RAB27A: variants seen among roughly 807,000 people sequenced by gnomAD.
RAB27A encodes the protein ras-related protein Rab-27A.
Under a neutral mutation model 20.8 loss-of-function variants are expected in RAB27A, and 17 were observed. The observed-to-expected ratio is 0.82, with a 90% CI of 0.56 to 1.23. The LOEUF is 1.23. Among genes scored for constraint, RAB27A ranks in the 50% most tolerant of loss-of-function variants. The pLI is 0.00. For synonymous variants in RAB27A, 85 were observed against 92.8 expected (o/e 0.92, Z 0.48); for missense variants, 277 against 266.7 (o/e 1.04, Z -0.27).
At chr15:55,279,944 C>T (rs1270340739) in intron 1 of RAB27A, among the ~76,000 whole-genome samples, 1 of 152,078 alleles carries the variant, frequency 6.6e-6, no homozygotes, top group Admixed American at 6.6e-5. Context: ...ATCAGAGTCA[C>T]CTAGATGGTT....
chr15:55,207,718 T>C (rs570512292), intron 6 of RAB27A, among the ~76,000 whole-genome samples: 3 of 152,318 alleles, frequency 2.0e-5, no homozygotes, highest in African/African-American at 7.2e-5. Context: ...AGTCTCACTT[T>C]GTTGCCCAGG....
chr15:55,312,397 A>G (rs535577382), intron 2 of RAB27A, among the ~76,000 whole-genome samples: 1 of 152,320 alleles, frequency 6.6e-6, no homozygotes, highest in Non-Finnish European at 1.5e-5. Flanking sequence ...ATTTTCAATT[A>G]TCTTGGGCAT....
chr15:55,276,665 G>C (rs533528428), intron 1 of RAB27A, among the ~76,000 whole-genome samples: 1 of 152,274 alleles, frequency 6.6e-6, no homozygotes, highest in East Asian at 1.9e-4. Flanking sequence ...AGGGGGAAAT[G>C]GGAAGGTCAT....
intron 1 of RAB27A, among the ~76,000 whole-genome samples, chr15:55,277,134 T>C (rs886865002): frequency 2.6e-5 from 4 of 152,092 alleles, no homozygotes; most frequent in African/African-American, 9.7e-5. Context: ...GATGGAGCAA[T>C]GAGCTAAATT....
chr15:55,298,746 G>A (rs1351691853), intron 2 of RAB27A, among the ~76,000 whole-genome samples: 3 of 152,168 alleles, frequency 2.0e-5, no homozygotes, highest in African/African-American at 7.2e-5. Flanking sequence ...TAAAAGATGG[G>A]CACACCCAGG....
chr15:55,293,091 C>A (rs1331265384), upstream of RAB27A, among the ~76,000 whole-genome samples: 1 of 152,170 alleles, frequency 6.6e-6, no homozygotes, highest in Non-Finnish European at 1.5e-5. Flanking sequence ...TTGCTTCCCA[C>A]ACTGGGGCTT....
At position 55,270,165 on chromosome 15, in the gene RAB27A, C is replaced by T. The variant is rs1190361593; in HGVS notation, c.-23G>A. On this transcript the variant is annotated splice_region_variant and 5_prime_UTR_variant, in exon 2 of 7. Coordinates refer to ENST00000336787, the MANE Select transcript of RAB27A (RefSeq NM_183235.3). ...AAAAAAGATAAATACAAAACCATAC[C>T]TTTACAGGGTAGAGAACCGCTTGTT... 1 of 151,916 alleles carries T rather than the reference C, an allele frequency of 6.6e-6. No individual in the cohort carries two copies. Among genetic ancestry groups the T allele is most frequent in the East Asian group, 1.9e-4 (1 of 5,194 alleles). The allele number at this position is 151,916 out of a possible 1,614,324, so 9.4% of individuals were successfully genotyped here. A position where few individuals can be genotyped will look rare whatever the true frequency, so the allele number is the denominator to read the frequency against.
intron 2 of RAB27A, among the ~76,000 whole-genome samples, chr15:55,298,473 G>T (rs749079771): frequency 2.0e-5 from 3 of 152,184 alleles, no homozygotes; most frequent in Non-Finnish European, 4.4e-5. Flanking sequence ...GTGGGTCACA[G>T]ACATCAAGTA....
intron 5 of RAB27A, among the ~76,000 whole-genome samples, chr15:55,227,083 G>A (rs1185928158): frequency 6.6e-6 from 1 of 152,040 alleles, no homozygotes; most frequent in African/African-American, 2.4e-5. Flanking sequence ...TCTTCAATAC[G>A]TATAAGTGTT....
chr15:55,250,932 G>C (rs920633609), intron 2 of RAB27A, among the ~76,000 whole-genome samples: 2 of 152,204 alleles, frequency 1.3e-5, no homozygotes, highest in African/African-American at 4.8e-5. Context: ...GATGGCAGCA[G>C]AGTGATATTC....
intron 6 of RAB27A, among the ~76,000 whole-genome samples, chr15:55,207,999 A>G (rs1358577447): frequency 3.3e-5 from 5 of 152,338 alleles, no homozygotes; most frequent in Admixed American, 3.3e-4. Context: ...GCTACATGTG[A>G]CCAGTGGCTA....
intron 1 of RAB27A, among the ~76,000 whole-genome samples, chr15:55,271,345 C>A (rs1458358434): frequency 6.6e-6 from 1 of 152,222 alleles, no homozygotes; most frequent in African/African-American, 2.4e-5. Context: ...AGTATTATAG[C>A]ATCTTCTAGG....
At chr15:55,243,528 CA>C (rs1896573000) in intron 2 of RAB27A, among the ~76,000 whole-genome samples, 1 of 151,734 alleles carries the variant, frequency 6.6e-6, no homozygotes, top group South Asian at 2.1e-4. Flanking sequence ...TGGTGGCAGG[CA>C]CCTGTAATCC....
Position 55,204,263 on chromosome 15 carries a change from C to G in RAB27A, c.*1244G>C, listed in dbSNP as rs915038052. ...AACTTCCATGAAACATATATTAAAA[C>G]CACCTTTAATTTGGTATGAAGACAC... On this transcript the variant is annotated 3_prime_UTR_variant, in exon 7 of 7. Coordinates refer to ENST00000336787, the MANE Select transcript of RAB27A (RefSeq NM_183235.3). 1.3e-5 allele frequency: 2 copies of G among 152,176 alleles called. No homozygotes were observed. Among genetic ancestry groups the G allele is most frequent in the Admixed American group, 1.3e-4 (2 of 15,274 alleles). The allele number at this position is 152,176 out of a possible 1,614,324, so 9.4% of individuals were successfully genotyped here.
chr15:55,219,963 A>C (rs1009146144), intron 6 of RAB27A, among the ~76,000 whole-genome samples: 2 of 145,038 alleles, frequency 1.4e-5, no homozygotes, highest in Non-Finnish European at 3.1e-5. Flanking sequence ...AAACAACAAC[A>C]AAAAAAAAAA....
chr15:55,316,129 G>A (rs1023384862), intron 1 of RAB27A, among the ~76,000 whole-genome samples: 2 of 151,840 alleles, frequency 1.3e-5, no homozygotes, highest in Non-Finnish European at 2.9e-5. Context: ...CTACTACGTA[G>A]GCTGAGGCAG....
Position 55,305,465 on chromosome 15 carries a change from G to A in RAB27A, c.-112+8574C>T, listed in dbSNP as rs962764673. Among the ~76,000 whole-genome samples, 3 of 152,188 alleles carry A rather than the reference G, an allele frequency of 2.0e-5. No homozygotes were observed. The East Asian group carries it at 5.8e-4, about 29-fold the overall frequency. On this transcript the variant is annotated intron_variant, in intron 2 of 5. Coordinates refer to the RAB27A transcript ENST00000563262. ...GCTTTACAGCTTCGATTCTGGAAGA[G>A]ACAAACTTAACAAGGAGGTTAAAGA...
At chr15:55,234,477 C>G (rs572285652) in intron 3 of RAB27A, among the ~76,000 whole-genome samples, 1 of 152,254 alleles carries the variant, frequency 6.6e-6, no homozygotes, top group South Asian at 2.1e-4. Flanking sequence ...AGGTGGTTGG[C>G]AGGCTTCAAG....
chr15:55,271,514 A>C (rs1897704193), intron 1 of RAB27A, among the ~76,000 whole-genome samples: 1 of 152,222 alleles, frequency 6.6e-6, no homozygotes, highest in Non-Finnish European at 1.5e-5. Context: ...CTGTTCACTA[A>C]GAGAATCAGC....
Sources: gnomAD v4.1 joint callset for allele counts (sites outside exome capture counted in the v4.1 genomes callset) on GRCh38, gnomAD v4.1.1 for gene constraint, MANE v1.5 for transcripts, NCBI Gene and HGNC (gene_info 2026-07-23, HGNC 2026-07-21) for gene names.